Variants in MEI1 observed in about 807,000 individuals in gnomAD.
MEI1 encodes the protein meiotic double-stranded break formation protein 1, also known as meiosis inhibitor protein 1.
MEI1 carries 103 observed loss-of-function variants against 146.2 expected under a neutral mutation model. The observed-to-expected ratio is 0.70, with a 90% CI of 0.60 to 0.83. The LOEUF is 0.83. MEI1 is among the 40% of genes least tolerant of loss of function. MEI1 has a pLI of 0.00. For synonymous variants in MEI1, 652 were observed against 628.2 expected (o/e 1.04, Z -0.57); for missense variants, 1,529 against 1,533.0 (o/e 1.00, Z 0.04).
intron 26 of MEI1, among the ~76,000 whole-genome samples, chr22:41,786,994 T>C (rs1008754675): frequency 2.6e-5 from 4 of 152,210 alleles, no homozygotes; most frequent in Non-Finnish European, 5.9e-5. Flanking sequence ...TTGTTGAGTC[T>C]TGTCCTGTGG....
At chr22:41,707,028 CAAAAAAAAAA>C (rs59421678) in intron 3 of MEI1, among the ~76,000 whole-genome samples, 159 of 130,860 alleles carry the variant, frequency 1.2e-3, no homozygotes, top group Non-Finnish European at 1.2e-3. Context: ...CCATCTCTAC[CAAAAAAAAAA>C]AAAAAAAAAA....
At chr22:41,789,039 C>T (rs554636952) in intron 26 of MEI1, among the ~76,000 whole-genome samples, 1 of 152,240 alleles carries the variant, frequency 6.6e-6, no homozygotes, top group African/African-American at 2.4e-5. Flanking sequence ...TAAGGCCAGG[C>T]GCAGTGGCTC....
In MEI1 at chr22:41,721,802, C is replaced by T. The variant is rs147089916; in HGVS notation, c.734-2141C>T. On this transcript the variant is annotated intron_variant, in intron 6 of 30. Coordinates refer to ENST00000401548, the MANE Select transcript of MEI1 (RefSeq NM_152513.4). ...GTCGCACGATCTCAGCTCACTGCAA[C>T]CTCTGCCTCCCGGGTTCAAGTGATT... 1.5e-3 allele frequency among the ~76,000 whole-genome samples: 210 copies of T among 137,504 alleles called. 1 individual carries two copies. The highest frequency in any genetic ancestry group is 5.7e-3 in the African/African-American group (207 of 36,238). 90.2% of individuals were successfully genotyped at this position (137,504 alleles called of 152,430 possible). A position where few individuals can be genotyped will look rare whatever the true frequency, so the allele number is the denominator to read the frequency against.
intron 20 of MEI1, among the ~76,000 whole-genome samples, chr22:41,773,745 C>A (rs1304580212): frequency 6.6e-6 from 1 of 151,848 alleles, no homozygotes; most frequent in Admixed American, 6.6e-5. Context: ...CATGGTGGCA[C>A]GTGCCTGTAG....
At chr22:41,740,676 G>A (rs893239301) in intron 11 of MEI1, among the ~76,000 whole-genome samples, 2 of 152,140 alleles carry the variant, frequency 1.3e-5, no homozygotes, top group African/African-American at 2.4e-5. Flanking sequence ...GCTGCTGTGA[G>A]TTGTGTTTGT....
intron 18 of MEI1, among the ~76,000 whole-genome samples, chr22:41,761,289 C>T (rs963205911): frequency 2.7e-5 from 4 of 148,138 alleles, no homozygotes; most frequent in South Asian, 2.2e-4. Context: ...CCAGCTTGGG[C>T]GACAGAGTGA....
At position 41,718,293 on chromosome 22, in the gene MEI1, G is replaced by A. The variant is rs1286590221; in HGVS notation, c.733+19G>A. ...TGCTTGGGTAAGACATGAGGCTGGA[G>A]AAAAAAGGGAGAATAAGTTTTTGAC... is the stretch of plus-strand genomic sequence containing the variant. On this transcript the variant is annotated intron_variant, in intron 6 of 30. Coordinates refer to ENST00000401548, the MANE Select transcript of MEI1 (RefSeq NM_152513.4). 3.1e-6 allele frequency: 5 copies of A among 1,605,686 alleles called. No individual in the cohort carries two copies. The Admixed American group carries it at 5.2e-5, about 17-fold the overall frequency.
rs2076323971 is a variant in MEI1, at chr22:41,795,359, TGAA to T, written c.3535-50_3535-48del. On this transcript the variant is annotated intron_variant, in intron 28 of 30. Coordinates refer to ENST00000401548, the MANE Select transcript of MEI1 (RefSeq NM_152513.4). This position sits in a 1 kb window ranked among gnomAD's most constrained non-coding sequence, Gnocchi z 4.2. ...GTTGGGGCACAGCAGTTGTCTATGA[TGAA>T]GGAGATGCCAAATCACTGGGTGTTT... 6.8e-6 allele frequency: 11 copies of T among 1,605,918 alleles called. No individual in the cohort carries two copies. In the Admixed American group the frequency reaches 1.0e-4, roughly 15 times the overall value.
chr22:41,710,660 C>T (rs951985973), intron 3 of MEI1, among the ~76,000 whole-genome samples: 1 of 152,146 alleles, frequency 6.6e-6, no homozygotes, highest in Non-Finnish European at 1.5e-5. Flanking sequence ...ATCCCATTGC[C>T]TCACTTCTTT....
chr22:41,705,629 C>A (rs1479568508), intron 3 of MEI1, 75 bp downstream of exon 3: 33 of 1,319,530 alleles, frequency 2.5e-5, no homozygotes, highest in Non-Finnish European at 3.4e-5. Context: ...TACTTGAGAC[C>A]TTGGCGAAAT....
At chr22:41,733,890 G>A (rs1323136072) in intron 11 of MEI1, among the ~76,000 whole-genome samples, 2 of 152,050 alleles carry the variant, frequency 1.3e-5, no homozygotes, top group African/African-American at 2.4e-5. Flanking sequence ...ACTTTGGGAG[G>A]CCAAGGTCGG....
intron 17 of MEI1, among the ~76,000 whole-genome samples, chr22:41,756,296 A>G (rs543827134): frequency 3.3e-5 from 5 of 151,918 alleles, no homozygotes; most frequent in Admixed American, 6.6e-5. Flanking sequence ...CACCATGCCC[A>G]GGTGATTTTT....
chr22:41,729,956 TC>T (rs1261784749), intron 8 of MEI1, among the ~76,000 whole-genome samples, 177 bp downstream of exon 8: 1 of 152,172 alleles, frequency 6.6e-6, no homozygotes, highest in African/African-American at 2.4e-5. Flanking sequence ...TATTTGGTCA[TC>T]TATGAATAAA....
rs375083333 is a variant in MEI1 at position 41,781,403 on chromosome 22, G to C, written c.2926+9G>C. 1 of 1,599,472 alleles carries C rather than the reference G, an allele frequency of 6.3e-7. No homozygotes were observed. Among genetic ancestry groups the C allele is most frequent in the Non-Finnish European group, 8.5e-7 (1 of 1,170,826 alleles). ...CAGCAGTCAGAAAAGAGGTGCAGGG[G>C]CCCGGGCTGGGACAGTGAAGAGTGC... On this transcript the variant is annotated intron_variant, in intron 23 of 30. Transcript: ENST00000401548.
chr22:41,776,235 T>C lies in MEI1; in HGVS notation c.2678T>C (p.Leu893Pro), dbSNP rs2075430897. The change falls in exon 21 of 31, where the codon CTG (leucine) becomes CCG (proline). Residue 893 changes from leucine to proline, a missense_variant. Physicochemically the swap from Leu to Pro is moderately conservative, Grantham distance 98. Around this residue, in one of 3 missense-constraint regions of MEI1, gnomAD observed 1,212 missense variants for 1,178.9 expected, o/e 1.03. Coordinates refer to ENST00000401548, the MANE Select transcript of MEI1 (RefSeq NM_152513.4). ...CACTTCCTGCTGATCCTGCAGCGTC[T>C]GCTAGTGGAGCATGGGGCATCCCCA... ...RGHFLLILQR[L>P]LVEHGASPSG... 1.9e-6 allele frequency: 3 copies of C among 1,613,878 alleles called. No individual in the cohort carries two copies. Among genetic ancestry groups the C allele is most frequent in the Non-Finnish European group, 2.5e-6 (3 of 1,179,856 alleles).
At position 41,763,196 on chromosome 22, in the gene MEI1, T is replaced by C. The variant is rs1398992858; in HGVS notation, c.2143T>C (p.Phe715Leu). ...CAGGTTTGTCTCAGAGGCAGAGTTA[T>C]TTGAGGCTGTGCAAAGCTTCCTCCT... ...EDRFVSEAEL[F>L]EAVQSFLLSL... Residue 715 changes from phenylalanine (F) to leucine (L), a missense_variant, in exon 19 of 31, where the codon TTT becomes CTT. Physicochemically the swap from Phe to Leu is conservative, Grantham distance 22. Coordinates refer to ENST00000401548, the MANE Select transcript of MEI1 (RefSeq NM_152513.4). 1.9e-6 allele frequency: 3 copies of C among 1,613,870 alleles called. No homozygotes were observed. Among genetic ancestry groups the C allele is most frequent in the African/African-American group, 1.3e-5 (1 of 74,922 alleles).
chr22:41,792,833 T>C (rs1056862100), intron 26 of MEI1, among the ~76,000 whole-genome samples: 1 of 152,100 alleles, frequency 6.6e-6, no homozygotes, highest in Non-Finnish European at 1.5e-5. Context: ...CTAGTAGTTT[T>C]AATTTGCATT....
chr22:41,765,430 A>G (rs972397317), intron 19 of MEI1, among the ~76,000 whole-genome samples: 2 of 152,160 alleles, frequency 1.3e-5, no homozygotes, highest in African/African-American at 2.4e-5. Context: ...GCAGTGAGCC[A>G]TGTTCATGCC....
chr22:41,773,697 A>G (rs2075303839), intron 20 of MEI1, among the ~76,000 whole-genome samples: 1 of 152,072 alleles, frequency 6.6e-6, no homozygotes, highest in Non-Finnish European at 1.5e-5. Flanking sequence ...AACATGGTGA[A>G]ACCCTGTCTC....
Sources: allele counts gnomAD v4.1 joint callset (sites outside exome capture counted in the v4.1 genomes callset), GRCh38; gene constraint gnomAD v4.1.1; regional missense constraint gnomAD v4.1.1; non-coding constraint Gnocchi (gnomAD v3.1); transcripts MANE v1.5; gene names NCBI Gene and HGNC (gene_info 2026-07-23, HGNC 2026-07-21).